Variants in ADGB observed in about 807,000 individuals in gnomAD.
The protein encoded by ADGB is androglobin.
A neutral mutation model predicts 210.5 loss-of-function variants in ADGB; 172 were observed. The observed-to-expected ratio is 0.82, with a 90% CI of 0.72 to 0.93. ADGB has a LOEUF of 0.93. ADGB is among the 40% of genes least tolerant of loss of function. The probability of loss-of-function intolerance (pLI) is 0.00; values close to 1 mark genes in which losing one functional copy is unlikely to be tolerated. For synonymous variants in ADGB, 658 were observed against 662.7 expected (o/e 0.99, Z 0.11); for missense variants, 2,025 against 1,964.8 (o/e 1.03, Z -0.58).
At chr6:146,708,347 A>G (rs1434837153) in intron 13 of ADGB, among the ~76,000 whole-genome samples, 1 of 152,062 alleles carries the variant, frequency 6.6e-6, no homozygotes, top group African/African-American at 2.4e-5. Context: ...GTTACTGATT[A>G]CCATTCTTTT....
At chr6:146,706,388 T>C (rs1776570067) in intron 13 of ADGB, among the ~76,000 whole-genome samples, 1 of 151,852 alleles carries the variant, frequency 6.6e-6, no homozygotes, top group Admixed American at 6.6e-5. Context: ...GCCTCTCGAG[T>C]AGTTGGGGCT....
At chr6:146,729,106 C>A (rs761279738) in intron 20 of ADGB, among the ~76,000 whole-genome samples, 6 of 152,172 alleles carry the variant, frequency 3.9e-5, no homozygotes, top group Non-Finnish European at 8.8e-5. Flanking sequence ...AGGGCTTTGA[C>A]TTCCTCACAC....
rs1196356812 is a variant in ADGB, at chr6:146,721,412, G to A, written c.2002G>A (p.Glu668Lys). 6.5e-7 allele frequency: 1 copy of A among 1,547,050 alleles called. No homozygotes were observed. Among genetic ancestry groups the A allele is most frequent in the African/African-American group, 1.4e-5 (1 of 72,940 alleles). Residue 668 changes from glutamate to lysine, a missense_variant, in exon 17 of 36, where the codon GAA becomes AAA. By Grantham distance (56) the Glu-to-Lys change is moderately conservative (BLOSUM62 1). Transcript: ENST00000397944. ...GTCTAATTTCTTGCAGTTCTCAGAA[G>A]AACGAGTGTCCTACTATCTATTTGT... Reference protein sequence around the residue: ...FQKSEFKFSEERVSYYLFVDS... With the variant: ...FQKSEFKFSEKRVSYYLFVDS...
intron 1 of ADGB, among the ~76,000 whole-genome samples, chr6:146,622,948 G>A (rs887171713): frequency 6.6e-6 from 1 of 151,842 alleles, no homozygotes; most frequent in African/African-American, 2.4e-5. Flanking sequence ...AGCACCATTT[G>A]TTGAAAATAT....
intron 13 of ADGB, among the ~76,000 whole-genome samples, chr6:146,711,206 G>A (rs997154796): frequency 1.3e-5 from 2 of 152,116 alleles, no homozygotes; most frequent in Non-Finnish European, 2.9e-5. Context: ...TCTTACACAA[G>A]GTTTTATACA....
chr6:146,760,374 C>T (rs997190584), intron 27 of ADGB, among the ~76,000 whole-genome samples: 9 of 151,748 alleles, frequency 5.9e-5, no homozygotes, highest in African/African-American at 1.5e-4. Context: ...CTTTTGACAC[C>T]GGCTTCTTTT....
intron 1 of ADGB, among the ~76,000 whole-genome samples, chr6:146,629,765 GA>G (rs1159129502): frequency 6.6e-6 from 1 of 151,934 alleles, no homozygotes; most frequent in Non-Finnish European, 1.5e-5. Context: ...TTAATACTAT[GA>G]AAAAAGCTTC....
In ADGB at chr6:146,801,909, G is replaced by T; in HGVS notation, c.4716G>T (p.Gln1572His). The change falls in exon 35 of 36, where the codon CAG becomes CAT. Residue 1572 changes from glutamine to histidine, a missense_variant. Coordinates refer to ENST00000397944, the MANE Select transcript of ADGB (RefSeq NM_024694.4). The stretch of plus-strand genomic sequence containing the variant: ...TGCAAAAGGCGGAAGAAATTCATCA[G>T]TTTCGACAGCATAGGACCAGAGTCC... ...QAMQKAEEIHQFRQHRTRVLS... is the reference protein window; with the variant it reads ...QAMQKAEEIHHFRQHRTRVLS... The T allele has an allele frequency of 6.4e-7, 1 of 1,551,332 alleles. No individual in the cohort carries two copies. Among genetic ancestry groups the T allele is most frequent in the Non-Finnish European group, 8.7e-7 (1 of 1,146,822 alleles).
At chr6:146,733,776 C>A in intron 21 of ADGB, 117 bp from the exon 22 acceptor site, 2 of 1,106,398 alleles carry the variant, frequency 1.8e-6, no homozygotes, top group African/African-American at 1.6e-5. Flanking sequence ...AAATATGATG[C>A]TAACTCTTGC....
intron 27 of ADGB, among the ~76,000 whole-genome samples, chr6:146,757,775 G>A (rs950901870): frequency 6.6e-6 from 1 of 151,782 alleles, no homozygotes; most frequent in Non-Finnish European, 1.5e-5. Flanking sequence ...AATCCTTAGA[G>A]TGCTTTTTAT....
rs536528102 is a variant in ADGB, at chr6:146,768,316, A to G, written c.3751-704A>G. ...AACGGAACTTGGGGAAAAAAGAGCA[A>G]AGTGTGTCTTAGTATTTCCAAAGAC... On this transcript the variant is annotated intron_variant, in intron 28 of 35. Coordinates refer to ENST00000397944, the MANE Select transcript of ADGB (RefSeq NM_024694.4). 5.9e-5 allele frequency among the ~76,000 whole-genome samples: 9 copies of G among 152,352 alleles called. No individual in the cohort carries two copies. In the East Asian group the frequency reaches 1.7e-3, roughly 29 times the overall value.
intron 25 of ADGB, among the ~76,000 whole-genome samples, chr6:146,745,439 G>A (rs762218829): frequency 6.6e-6 from 1 of 152,174 alleles, no homozygotes; most frequent in Non-Finnish European, 1.5e-5. Context: ...TCTGGGTTCT[G>A]TGGAATCAAA....
chr6:146,767,892 T>C (rs1777599879), intron 28 of ADGB, among the ~76,000 whole-genome samples: 1 of 145,992 alleles, frequency 6.8e-6, no homozygotes, highest in Non-Finnish European at 1.6e-5. Context: ...ATCACAATGC[T>C]GTTCTGCTAC....
chr6:146,664,852 T>C (rs1775916964), intron 6 of ADGB, among the ~76,000 whole-genome samples: 1 of 152,084 alleles, frequency 6.6e-6, no homozygotes, highest in South Asian at 2.1e-4. Context: ...CATATTTTCT[T>C]CAGTATTCTT....
At chr6:146,712,753 A>G (rs1776677304) in intron 13 of ADGB, among the ~76,000 whole-genome samples, 2 of 152,114 alleles carry the variant, frequency 1.3e-5, no homozygotes, top group South Asian at 4.1e-4. Context: ...AAAACTGTTT[A>G]GTTGTAGTGA....
rs544450386 is a variant in ADGB at position 146,656,953 on chromosome 6, A to T, written c.585A>T (p.Gly195=). 1 of 1,551,390 alleles carries T rather than the reference A, an allele frequency of 6.4e-7. No homozygotes were observed. The highest frequency in any genetic ancestry group is 1.4e-5 in the African/African-American group (1 of 73,158). The change falls in exon 5 of 36, where the codon GGA becomes GGT. Residue 195 remains glycine (G), a synonymous_variant. Coordinates refer to ENST00000397944, the MANE Select transcript of ADGB (RefSeq NM_024694.4). ...ATATGCCTTTGTTCAATAGCTATGG[A>T]AAGTATGTTGTGAAACTTTACTGGA... ...KGHMPLFNSY[G]KYVVKLYWMG... is the part of the protein sequence containing the mutation.
chr6:146,798,788 A>G (rs111384572), intron 33 of ADGB, among the ~76,000 whole-genome samples: 2,890 of 152,246 alleles, frequency 0.019, 99 homozygotes, highest in African/African-American at 0.064. Context: ...TGAAATTAAG[A>G]CAGTTTTATT....
At chr6:146,746,199 C>T (rs951542318) in intron 26 of ADGB, 90 bp downstream of exon 26, 62 of 962,552 alleles carry the variant, frequency 6.4e-5, no homozygotes, top group Non-Finnish European at 8.2e-5. Flanking sequence ...AATCCTGAGT[C>T]GGTTTTGAAT....
chr6:146,665,273 T>G (rs1312643268), intron 6 of ADGB, among the ~76,000 whole-genome samples: 1 of 151,980 alleles, frequency 6.6e-6, no homozygotes, highest in Non-Finnish European at 1.5e-5. Context: ...ACAGCTTCAT[T>G]TTTCTCTCCC....
Sources: allele counts gnomAD v4.1 joint callset (sites outside exome capture counted in the v4.1 genomes callset), GRCh38; gene constraint gnomAD v4.1.1; transcripts MANE v1.5; gene names NCBI Gene and HGNC (gene_info 2026-07-23, HGNC 2026-07-21).